The following NEDD4L variants were observed in gnomAD, a reference collection of about 807,000 sequenced individuals.
NEDD4L encodes the protein NEDD4 like E3 ubiquitin protein ligase.
Under a neutral mutation model 148.9 loss-of-function variants are expected in NEDD4L, and 54 were observed. The observed-to-expected ratio is 0.36, with a 90% CI of 0.29 to 0.45. The LOEUF is 0.45. NEDD4L is among the 20% of genes least tolerant of loss of function. NEDD4L has a pLI of 1.00. For missense variants in NEDD4L, 856 were observed against 1,233.8 expected (o/e 0.69, Z 4.59); for synonymous variants, 433 against 440.7 (o/e 0.98, Z 0.22).
intron 1 of NEDD4L, among the ~76,000 whole-genome samples, chr18:58,055,405 C>T (rs907703492): frequency 2.6e-5 from 4 of 152,202 alleles, no homozygotes; most frequent in African/African-American, 9.6e-5. Flanking sequence ...GTTTTGCTTA[C>T]ATGTGTTTTC....
intron 24 of NEDD4L, among the ~76,000 whole-genome samples, chr18:58,375,355 C>CT (rs2047428432): frequency 6.6e-6 from 1 of 152,116 alleles, no homozygotes; most frequent in African/African-American, 2.4e-5. Flanking sequence ...CTCCAGTGCC[C>CT]GCCTAGCTGT....
At chr18:58,378,529 G>A (rs1055861423) in intron 24 of NEDD4L, among the ~76,000 whole-genome samples, 3 of 152,208 alleles carry the variant, frequency 2.0e-5, no homozygotes, top group South Asian at 2.1e-4. Context: ...GACACAGAGG[G>A]GTGGCACCTG....
intron 1 of NEDD4L, among the ~76,000 whole-genome samples, chr18:58,145,325 C>CA (rs1295142829): frequency 6.6e-6 from 1 of 152,178 alleles, no homozygotes; most frequent in East Asian, 1.9e-4. Flanking sequence ...TCTGAAGAAT[C>CA]AAATCTGGAA....
chr18:58,173,456 C>T (rs1473092442), intron 2 of NEDD4L, among the ~76,000 whole-genome samples: 1 of 152,182 alleles, frequency 6.6e-6, no homozygotes, highest in East Asian at 1.9e-4. Flanking sequence ...GAGCTGGTGA[C>T]TTGCAATTTA....
Position 58,265,678 on chromosome 18 carries a change from C to CCTCA in NEDD4L, c.297+13625_297+13628dup, listed in dbSNP as rs902573040. Among the ~76,000 whole-genome samples, 45 of 152,166 alleles carry CCTCA rather than the reference C, an allele frequency of 3.0e-4. 1 individual carries two copies. The highest frequency in any genetic ancestry group is 1.1e-3 in the African/African-American group (44 of 41,536). ...CTCCCAGGCTCAAGTGATCCTCCCA[C>CCTCA]CTCAGACTCCCAAGTAGCTGGACCA... On this transcript the variant is annotated intron_variant, in intron 5 of 30. Transcript: ENST00000400345.
At chr18:58,063,470 G>T (rs768287370) in intron 1 of NEDD4L, among the ~76,000 whole-genome samples, 2 of 151,642 alleles carry the variant, frequency 1.3e-5, no homozygotes, top group Non-Finnish European at 2.9e-5. Flanking sequence ...TTAACTAATT[G>T]TGCTTATGTT....
At chr18:58,385,231 G>A (rs1390781511) in intron 25 of NEDD4L, among the ~76,000 whole-genome samples, 1 of 152,172 alleles carries the variant, frequency 6.6e-6, no homozygotes, top group Non-Finnish European at 1.5e-5. Context: ...AGCAGTTAAA[G>A]CATTTAAAGC....
chr18:58,050,290 A>AAAAT (rs1366932076), intron 1 of NEDD4L, among the ~76,000 whole-genome samples: 2 of 144,498 alleles, frequency 1.4e-5, no homozygotes, highest in Non-Finnish European at 3.0e-5. Context: ...CTGTCTCTAC[A>AAAAT]AAATAAATAA....
chr18:58,352,657 A>G (rs2044057155), intron 18 of NEDD4L, among the ~76,000 whole-genome samples: 1 of 151,602 alleles, frequency 6.6e-6, no homozygotes, highest in Non-Finnish European at 1.5e-5. Flanking sequence ...AGGCTGTCTC[A>G]AAAAAAAAGA....
At chr18:58,307,125 G>C (rs2057161249) in intron 5 of NEDD4L, among the ~76,000 whole-genome samples, 7 of 152,174 alleles carry the variant, frequency 4.6e-5, no homozygotes, top group Admixed American at 3.3e-4. Context: ...AAGGATCTGA[G>C]ACAGCCAGGT....
chr18:58,185,139 G>A (rs2586979), intron 2 of NEDD4L, among the ~76,000 whole-genome samples: 61,521 of 151,924 alleles, frequency 0.4, 13,002 homozygotes, highest in East Asian at 0.59. Context: ...TGAACAGTGG[G>A]CACAGGTTCC....
chr18:58,305,915 T>G (rs1363447017), intron 5 of NEDD4L, among the ~76,000 whole-genome samples: 2 of 152,192 alleles, frequency 1.3e-5, no homozygotes, highest in South Asian at 2.1e-4. Context: ...GGAAATGTTT[T>G]TATAACAACC....
At chr18:58,319,530 C>T (rs997720365) in intron 6 of NEDD4L, among the ~76,000 whole-genome samples, 36 of 152,114 alleles carry the variant, frequency 2.4e-4, no homozygotes, top group African/African-American at 8.0e-4. Context: ...TACCCTGGAA[C>T]GGGGGCAGCA....
chr18:58,125,852 G>C (rs557639170), intron 1 of NEDD4L, among the ~76,000 whole-genome samples: 3 of 152,310 alleles, frequency 2.0e-5, no homozygotes, highest in African/African-American at 7.2e-5. Context: ...TTGGAAGTTT[G>C]ACCTACCACC....
chr18:58,348,239 C>T (rs1401232240), intron 16 of NEDD4L, among the ~76,000 whole-genome samples: 2 of 151,886 alleles, frequency 1.3e-5, no homozygotes, highest in Non-Finnish European at 2.9e-5. Flanking sequence ...CTCAAGCAGT[C>T]CTCCCGCCTT....
intron 2 of NEDD4L, among the ~76,000 whole-genome samples, chr18:58,178,643 A>G (rs1005195378): frequency 6.6e-6 from 1 of 152,220 alleles, no homozygotes; most frequent in Non-Finnish European, 1.5e-5. Context: ...TATTAAAAGG[A>G]TTGGCATTCC....
At chr18:58,114,031 T>A (rs1253177563) in intron 1 of NEDD4L, among the ~76,000 whole-genome samples, 2 of 152,204 alleles carry the variant, frequency 1.3e-5, no homozygotes, top group African/African-American at 4.8e-5. Flanking sequence ...TTGGCTCGCT[T>A]GTGTTGCTGG....
At chr18:58,101,592 T>C (rs540828933) in intron 1 of NEDD4L, among the ~76,000 whole-genome samples, 1 of 152,322 alleles carries the variant, frequency 6.6e-6, no homozygotes, top group South Asian at 2.1e-4. Context: ...GCACTGGGCC[T>C]GCGAGCCTCC....
At chr18:58,207,629 G>A (rs937737369) in intron 2 of NEDD4L, among the ~76,000 whole-genome samples, 1 of 152,188 alleles carries the variant, frequency 6.6e-6, no homozygotes, top group African/African-American at 2.4e-5. Flanking sequence ...CTATGACTTA[G>A]TAGCGGCAGT....
Sources: gnomAD v4.1 joint callset for allele counts (sites outside exome capture counted in the v4.1 genomes callset) on GRCh38, gnomAD v4.1.1 for gene constraint, MANE v1.5 for transcripts, NCBI Gene and HGNC (gene_info 2026-07-23, HGNC 2026-07-21) for gene names.